Variants in LINGO1 observed in about 807,000 individuals in gnomAD.
The protein encoded by LINGO1 is leucine-rich repeat and immunoglobulin-like domain-containing nogo receptor-interacting protein 1.
In LINGO1, 11 loss-of-function variants were observed where a neutral mutation model predicts 37.3. The observed-to-expected ratio is 0.29, with a 90% confidence interval of 0.19 to 0.49. The LOEUF is 0.49. Among genes scored for constraint, LINGO1 ranks in the 20% least tolerant of loss-of-function variants. The pLI is 0.99. For synonymous variants in LINGO1, 387 were observed against 403.0 expected (o/e 0.96, Z 0.48); for missense variants, 585 against 878.2 (o/e 0.67, Z 4.22).
chr15:77,671,605 C>T (rs1056532872), intron 3 of LINGO1, among the ~76,000 whole-genome samples: 4 of 152,212 alleles, frequency 2.6e-5, no homozygotes, highest in Non-Finnish European at 4.4e-5. Context: ...GGTCTCCTTC[C>T]TATTCTCCCT....
chr15:77,740,604 G>A (rs2076253187), intron 1 of LINGO1, among the ~76,000 whole-genome samples: 1 of 152,156 alleles, frequency 6.6e-6, no homozygotes, highest in African/African-American at 2.4e-5. Flanking sequence ...GTGTCAAGGG[G>A]AAGACAGCAA....
At chr15:77,669,966 A>G (rs1052204640) in intron 3 of LINGO1, among the ~76,000 whole-genome samples, 1 of 152,252 alleles carries the variant, frequency 6.6e-6, no homozygotes, top group African/African-American at 2.4e-5. Flanking sequence ...GAATGACTAT[A>G]TAAACAAAAT....
intron 2 of LINGO1, among the ~76,000 whole-genome samples, chr15:77,726,183 G>A (rs930152651): frequency 6.6e-6 from 1 of 152,210 alleles, no homozygotes; most frequent in Non-Finnish European, 1.5e-5. Context: ...CCTTTGGGCT[G>A]TTGACTCTAC....
intron 1 of LINGO1, among the ~76,000 whole-genome samples, chr15:77,755,828 G>A (rs905149442): frequency 4.6e-5 from 7 of 152,004 alleles, no homozygotes; most frequent in African/African-American, 9.7e-5. Flanking sequence ...CCTCCTTCCC[G>A]ATGCCACACA....
At position 77,613,616 on chromosome 15, in the gene LINGO1, G is replaced by A. The variant is rs2073580754; in HGVS notation, c.*428C>T. ...AAAACAAGAAACTGAGTTGGAAGAG[G>A]GCCCTGGAGCAATCAGGACGTCAAA... On this transcript the variant is annotated 3_prime_UTR_variant, in exon 2 of 2. Coordinates refer to ENST00000355300, the MANE Select transcript of LINGO1 (RefSeq NM_032808.7). The A allele has an allele frequency of 6.0e-6, 1 of 166,102 alleles. No individual in the cohort carries two copies. The highest frequency in any genetic ancestry group is 2.4e-5 in the African/African-American group (1 of 41,758). The allele number at this position is 166,102 out of a possible 1,614,324, so 10.3% of individuals were successfully genotyped here. A position where few individuals can be genotyped will look rare whatever the true frequency, so the allele number is the denominator to read the frequency against.
chr15:77,807,782 G>C (rs2076972223), intron 1 of LINGO1, among the ~76,000 whole-genome samples: 1 of 152,134 alleles, frequency 6.6e-6, no homozygotes, highest in South Asian at 2.1e-4. Flanking sequence ...TTTTTGGAGG[G>C]GACTCTGGGC....
chr15:77,724,030 G>A (rs893642118), intron 2 of LINGO1, among the ~76,000 whole-genome samples: 11 of 152,196 alleles, frequency 7.2e-5, no homozygotes, highest in Admixed American at 5.9e-4. Flanking sequence ...ATAGCCGGGC[G>A]TGCGTGTCTG....
chr15:77,813,761 C>A (rs11852704), intron 1 of LINGO1, among the ~76,000 whole-genome samples: 28,536 of 152,178 alleles, frequency 0.19, 3,239 homozygotes, highest in African/African-American at 0.32. Context: ...TCAAAAATAG[C>A]CTTGTAAGGC....
chr15:77,670,496 G>A (rs1016700445), intron 3 of LINGO1, among the ~76,000 whole-genome samples: 1 of 152,134 alleles, frequency 6.6e-6, no homozygotes, highest in African/African-American at 2.4e-5. Flanking sequence ...GGGAGGGTGG[G>A]GCCCTACCCG....
In LINGO1 at chr15:77,614,454, G is replaced by C; in HGVS notation, c.1453C>G (p.Arg485Gly). 1.2e-6 allele frequency: 2 copies of C among 1,610,886 alleles called. No homozygotes were observed. Among genetic ancestry groups the C allele is most frequent in the Non-Finnish European group, 1.7e-6 (2 of 1,179,790 alleles). Residue 485 changes from arginine to glycine, a missense_variant, in exon 2 of 2, where the codon CGC becomes GGC. Transcript: ENST00000355300. ...TVFPDGTLEV[R>G]YAQVQDNGTY... is the part of the protein sequence containing the mutation. ...CCGTTGTCCTGTACCTGGGCGTAGC[G>C]CACCTCCAGCGTGCCATCAGGGAAG... is the stretch of plus-strand genomic sequence containing the variant.
Position 77,632,333 on chromosome 15 carries a change from T to C in LINGO1, c.-18A>G. On this transcript the variant is annotated 5_prime_UTR_variant, in exon 1 of 2. Coordinates refer to ENST00000355300, the MANE Select transcript of LINGO1 (RefSeq NM_032808.7). This position sits in a 1 kb window ranked among gnomAD's most constrained non-coding sequence, Gnocchi z 6.0. ...ACCTGCATCTCGGGCGCGCCTTCGG[T>C]CCGCTCGGCTCGGTCACCAATCGCA... The C allele has an allele frequency of 7.0e-7, 1 of 1,433,408 alleles. No individual in the cohort carries two copies. The highest frequency in any genetic ancestry group is 9.1e-7 in the Non-Finnish European group (1 of 1,093,456). 88.8% of individuals were successfully genotyped at this position (1,433,408 alleles called of 1,614,324 possible). A position where few individuals can be genotyped will look rare whatever the true frequency, so the allele number is the denominator to read the frequency against.
chr15:77,817,257 G>A (rs1299330836), intron 1 of LINGO1, among the ~76,000 whole-genome samples: 1 of 152,286 alleles, frequency 6.6e-6, no homozygotes, highest in East Asian at 1.9e-4. Flanking sequence ...CTGACCTCCT[G>A]TTCTTCAGGT....
chr15:77,638,575 C>T (rs2074440207), upstream of LINGO1, among the ~76,000 whole-genome samples: 1 of 152,178 alleles, frequency 6.6e-6, no homozygotes. Flanking sequence ...TTAGCAAATC[C>T]ATTCATTAAG....
chr15:77,720,473 T>C (rs2076038566), intron 2 of LINGO1: 1 of 152,264 alleles, frequency 6.6e-6, no homozygotes, highest in Non-Finnish European at 1.5e-5. Flanking sequence ...AACCATAAAT[T>C]GTTGAGAAAG....
chr15:77,723,932 G>C (rs1468922549), intron 2 of LINGO1, among the ~76,000 whole-genome samples: 1 of 152,172 alleles, frequency 6.6e-6, no homozygotes, highest in Non-Finnish European at 1.5e-5. Flanking sequence ...CTCAGCTCAG[G>C]CGTTGTGATA....
Position 77,643,251 on chromosome 15 carries a change from G to C in LINGO1, c.-12-27351C>G, listed in dbSNP as rs761081769. Among the ~76,000 whole-genome samples, 24 of 152,344 alleles carry C rather than the reference G, an allele frequency of 1.6e-4. 1 individual carries two copies. Among genetic ancestry groups the C allele is most frequent in the Admixed American group, 2.6e-4 (4 of 15,310 alleles). On this transcript the variant is annotated intron_variant, in intron 3 of 3. Transcript: ENST00000559893. ...TCTTTCAGGTCCCCTGGATGGTGCT[G>C]GGAGCAGGACGGCTGTGTGGGCTGG...
In LINGO1 at chr15:77,613,148, G is replaced by C. The variant is rs2073564691; in HGVS notation, c.*896C>G. ...TAATGTTCCCATTTGTACAGATGTG[G>C]AGACTGAGGCCCAGAGAGGCCAGTG... On this transcript the variant is annotated 3_prime_UTR_variant, in exon 2 of 2. Coordinates refer to ENST00000355300, the MANE Select transcript of LINGO1 (RefSeq NM_032808.7). The C allele has an allele frequency of 6.6e-6, 1 of 152,286 alleles. No individual in the cohort carries two copies. Among genetic ancestry groups the C allele is most frequent in the African/African-American group, 2.4e-5 (1 of 41,430 alleles). 9.4% of individuals were successfully genotyped at this position (152,286 alleles called of 1,614,324 possible).
At position 77,714,626 on chromosome 15, in the gene LINGO1, A is replaced by G. The variant is rs151319277; in HGVS notation, c.-195+20366T>C. Among the ~76,000 whole-genome samples, 476 of 152,280 alleles carry G rather than the reference A, an allele frequency of 3.1e-3. 5 individuals are homozygous for G. The highest frequency in any genetic ancestry group is 0.011 in the African/African-American group (444 of 41,544). On this transcript the variant is annotated intron_variant, in intron 2 of 3. Transcript: ENST00000561686. ...CCATTAGCATTCTCTGTTTGCCCCAATGGCATGAGAAGCGTGCACAGCCAG... is the reference window on the plus strand; with the variant it reads ...CCATTAGCATTCTCTGTTTGCCCCAGTGGCATGAGAAGCGTGCACAGCCAG...
At chr15:77,688,553 T>C (rs552747391) in intron 2 of LINGO1, among the ~76,000 whole-genome samples, 4 of 152,264 alleles carry the variant, frequency 2.6e-5, no homozygotes, top group African/African-American at 9.6e-5. Flanking sequence ...TCAGTGTTGC[T>C]TGGGGACAGG....
Sources: allele counts gnomAD v4.1 joint callset (sites outside exome capture counted in the v4.1 genomes callset), GRCh38; gene constraint gnomAD v4.1.1; non-coding constraint Gnocchi (gnomAD v3.1); transcripts MANE v1.5; gene names NCBI Gene and HGNC (gene_info 2026-07-23, HGNC 2026-07-21).